NBEA: variants seen among roughly 807,000 people sequenced by gnomAD.
NBEA encodes the protein neurobeachin, also known as lysosomal-trafficking regulator 2.
In NBEA, 44 loss-of-function variants were observed where a neutral mutation model predicts 343.4. The ratio of observed to expected loss-of-function variants is 0.13; its 90% CI spans 0.10 to 0.16. The LOEUF (loss-of-function observed/expected upper bound fraction) is 0.16, where lower values mean the gene tolerates loss of function less well. Among genes scored for constraint, NBEA ranks in the 10% least tolerant of loss-of-function variants. The probability of loss-of-function intolerance (pLI) is 1.00; values close to 1 mark genes in which losing one functional copy is unlikely to be tolerated. For synonymous variants in NBEA, 1,175 were observed against 1,238.7 expected (o/e 0.95, Z 1.08); for missense variants, 2,555 against 3,631.3 (o/e 0.70, Z 7.62).
chr13:35,662,555 AT>A lies in NBEA; in HGVS notation c.8363-2526del, dbSNP rs201233247. ...CCCAACTCAGAAAGCCTGGAATGGC[AT>A]TTTATTTGCCTTTCACTTAAAGAAG... On this transcript the variant is annotated intron_variant, in intron 55 of 58. Transcript: ENST00000379939. 4.4e-3 allele frequency among the ~76,000 whole-genome samples: 666 copies of A among 152,300 alleles called. 6 individuals carry two copies. The highest frequency in any genetic ancestry group is 0.015 in the African/African-American group (639 of 41,570).
At chr13:35,649,261 G>A (rs761346482) in intron 51 of NBEA, among the ~76,000 whole-genome samples, 2 of 152,152 alleles carry the variant, frequency 1.3e-5, no homozygotes, top group African/African-American at 2.4e-5. Flanking sequence ...TTTATATTTC[G>A]TGTAAAAAAT....
chr13:35,304,689 C>G (rs758335899), intron 35 of NBEA, among the ~76,000 whole-genome samples: 3 of 152,050 alleles, frequency 2.0e-5, no homozygotes, highest in Non-Finnish European at 4.4e-5. Context: ...GTACAAGTCT[C>G]TCCTGATTCA....
chr13:35,296,769 A>G (rs966805206), intron 35 of NBEA, among the ~76,000 whole-genome samples: 6 of 152,032 alleles, frequency 3.9e-5, no homozygotes, highest in African/African-American at 1.2e-4. Context: ...TCACACTTTT[A>G]CTTCTAGTAT....
intron 34 of NBEA, among the ~76,000 whole-genome samples, chr13:35,244,851 A>AT (rs1188430686): frequency 6.6e-6 from 1 of 150,728 alleles, no homozygotes; most frequent in Non-Finnish European, 1.5e-5. Context: ...ATTTTATTTT[A>AT]TTTTTTGCAG....
chr13:35,522,868 A>C (rs2077785837), intron 41 of NBEA, among the ~76,000 whole-genome samples: 1 of 144,778 alleles, frequency 6.9e-6, no homozygotes, highest in African/African-American at 2.5e-5. Context: ...CTGGTCCGTG[A>C]AAGATTGTCT....
chr13:35,660,821 G>A (rs1298822729), intron 55 of NBEA, among the ~76,000 whole-genome samples: 1 of 152,210 alleles, frequency 6.6e-6, no homozygotes, highest in Non-Finnish European at 1.5e-5. Context: ...AAACAAGTTT[G>A]TATCACTTCT....
chr13:35,518,021 A>G (rs1207821936), intron 41 of NBEA, among the ~76,000 whole-genome samples: 1 of 152,140 alleles, frequency 6.6e-6, no homozygotes, highest in East Asian at 1.9e-4. Flanking sequence ...TCTTGAATGT[A>G]TTTTCTTTCC....
intron 18 of NBEA, among the ~76,000 whole-genome samples, chr13:35,152,727 C>G (rs544825788): frequency 3.3e-5 from 5 of 152,090 alleles, no homozygotes; most frequent in African/African-American, 1.2e-4. Flanking sequence ...CCCTCCCTGT[C>G]GATTACCTGT....
rs139669866 is a variant in NBEA, at chr13:35,168,958, G to T, written c.4234-29G>T. ...TTCCTTTTCTTGTACTTTTTGGTCT[G>T]TTGTCTGTTTTGTCTAATGCATGTC... On this transcript the variant is annotated intron_variant, in intron 24 of 58. Coordinates refer to ENST00000379939, the MANE Select transcript of NBEA (RefSeq NM_001385012.1). 8.8e-4 allele frequency: 1,231 copies of T among 1,406,414 alleles called. 7 individuals carry two copies. The African/African-American group carries it at 0.016, about 19-fold the overall frequency. 87.1% of individuals were successfully genotyped at this position (1,406,414 alleles called of 1,614,324 possible).
chr13:35,213,652 A>G (rs747467350), intron 33 of NBEA, among the ~76,000 whole-genome samples: 9 of 143,520 alleles, frequency 6.3e-5, no homozygotes, highest in Non-Finnish European at 9.5e-5. Context: ...TCTATGTGGA[A>G]GTCTTAGATG....
chr13:35,189,042 C>T (rs1294338483), intron 30 of NBEA, among the ~76,000 whole-genome samples: 1 of 151,582 alleles, frequency 6.6e-6, no homozygotes, highest in Non-Finnish European at 1.5e-5. Flanking sequence ...GCTCAGCTTC[C>T]TGAGTAGCTT....
intron 41 of NBEA, among the ~76,000 whole-genome samples, chr13:35,511,633 A>G (rs1297442291): frequency 6.6e-6 from 1 of 152,170 alleles, no homozygotes. Flanking sequence ...ATATCTCTCT[A>G]TATATGCAGT....
chr13:35,298,843 A>G (rs2036339140), intron 35 of NBEA, among the ~76,000 whole-genome samples: 1 of 151,982 alleles, frequency 6.6e-6, no homozygotes, highest in Non-Finnish European at 1.5e-5. Context: ...CTTTGAATTG[A>G]TCATTCATTA....
chr13:35,113,599 A>ATCTG (rs1050188215), intron 13 of NBEA, among the ~76,000 whole-genome samples: 1 of 150,828 alleles, frequency 6.6e-6, no homozygotes, highest in African/African-American at 2.5e-5. Flanking sequence ...CTATCTATCT[A>ATCTG]TCTATCTATC....
chr13:35,094,715 A>G (rs925209661), intron 10 of NBEA, among the ~76,000 whole-genome samples: 2 of 152,040 alleles, frequency 1.3e-5, no homozygotes, highest in Admixed American at 6.6e-5. Flanking sequence ...GAGAAATACT[A>G]TAGAAATATG....
chr13:35,232,445 T>G, intron 33 of NBEA, 47 bp from the exon 34 acceptor site: 1 of 1,233,020 alleles, frequency 8.1e-7, no homozygotes. Flanking sequence ...TATTTGACAT[T>G]TTATATTGAA....
intron 41 of NBEA, among the ~76,000 whole-genome samples, chr13:35,505,500 A>C (rs2077042295): frequency 6.6e-6 from 1 of 152,184 alleles, no homozygotes; most frequent in Non-Finnish European, 1.5e-5. Context: ...TTTCTCCTTC[A>C]ACTCTTCATT....
intron 2 of NBEA, among the ~76,000 whole-genome samples, chr13:35,044,606 GT>G (rs2062776546): frequency 4.5e-4 from 19 of 41,922 alleles, no homozygotes; most frequent in South Asian, 9.7e-4. Context: ...GTGTTGTGGT[GT>G]GTGTGTGTGT....
At chr13:35,045,145 T>C (rs569605218) in intron 3 of NBEA, 98 bp downstream of exon 3, 2 of 1,227,262 alleles carry the variant, frequency 1.6e-6, no homozygotes, top group African/African-American at 1.5e-5. Context: ...GAATTTATAA[T>C]GGAAATTGCT....
Sources: gnomAD v4.1 joint callset for allele counts (sites outside exome capture counted in the v4.1 genomes callset) on GRCh38, gnomAD v4.1.1 for gene constraint, MANE v1.5 for transcripts, NCBI Gene and HGNC (gene_info 2026-07-23, HGNC 2026-07-21) for gene names.